KIRREL3: variants seen among roughly 807,000 people sequenced by gnomAD.
KIRREL3 encodes the protein kin of IRRE-like protein 3.
Under a neutral mutation model 89.7 loss-of-function variants are expected in KIRREL3, and 36 were observed. The ratio of observed to expected loss-of-function variants is 0.40; its 90% confidence interval spans 0.31 to 0.53. KIRREL3 has a LOEUF of 0.53. Among genes scored for constraint, KIRREL3 ranks in the 20% least tolerant of loss-of-function variants. KIRREL3 has a pLI of 0.49. For synonymous variants in KIRREL3, 445 were observed against 441.4 expected (o/e 1.01, Z -0.10); for missense variants, 864 against 1,056.6 (o/e 0.82, Z 2.53).
chr11:126,629,069 C>G (rs1487458045), intron 1 of KIRREL3, among the ~76,000 whole-genome samples: 1 of 152,244 alleles, frequency 6.6e-6, no homozygotes, highest in Non-Finnish European at 1.5e-5. Context: ...TCCCTTGTCT[C>G]TTCCAAACAC....
At position 126,999,445 on chromosome 11, in the gene KIRREL3, T is replaced by C. The variant is rs112403751; in HGVS notation, c.55+1010A>G. Among the ~76,000 whole-genome samples, 241 of 152,354 alleles carry C rather than the reference T, an allele frequency of 1.6e-3. 1 individual carries two copies. Among genetic ancestry groups the C allele is most frequent in the African/African-American group, 5.5e-3 (227 of 41,584 alleles). On this transcript the variant is annotated intron_variant, in intron 1 of 16. Coordinates refer to ENST00000525144, the MANE Select transcript of KIRREL3 (RefSeq NM_032531.4). The surrounding 1 kb of genome is among the most constrained non-coding windows in gnomAD (Gnocchi z 5.7). ...AGTGCTTTGCTTTCTCGAAAACTTT[T>C]ACCCTTCATTTAATCAACAGATGGA...
At chr11:126,500,689 G>A (rs1423748340) in intron 4 of KIRREL3, among the ~76,000 whole-genome samples, 1 of 148,160 alleles carries the variant, frequency 6.7e-6, no homozygotes, top group Non-Finnish European at 1.5e-5. Context: ...GCAGTGAGCT[G>A]AGATCGCACC....
At chr11:126,445,728 A>G (rs1234571929) in intron 9 of KIRREL3, among the ~76,000 whole-genome samples, 2 of 152,190 alleles carry the variant, frequency 1.3e-5, no homozygotes, top group Non-Finnish European at 2.9e-5. Flanking sequence ...TCTGCTACAT[A>G]ACAGGCCACA....
Position 126,703,271 on chromosome 11 carries a change from A to G in KIRREL3, c.56-140359T>C, listed in dbSNP as rs1407790926. On this transcript the variant is annotated intron_variant, in intron 1 of 16. Transcript: ENST00000525144. This position sits in a 1 kb window ranked among gnomAD's most constrained non-coding sequence, Gnocchi z 4.6. ...GCAGGCTGTGCACTGCACAAGGCCA[A>G]GGCTTACCATTTGCATGGTCTGCGG... Among the ~76,000 whole-genome samples the G allele has an allele frequency of 6.6e-6, 1 of 152,232 alleles. No homozygotes were observed. Among genetic ancestry groups the G allele is most frequent in the East Asian group, 1.9e-4 (1 of 5,192 alleles).
intron 1 of KIRREL3, among the ~76,000 whole-genome samples, chr11:126,585,304 G>A (rs1471268932): frequency 7.0e-6 from 1 of 142,164 alleles, no homozygotes; most frequent in African/African-American, 2.7e-5. Context: ...CGAGATCTCG[G>A]CTCACTGCAA....
chr11:126,732,594 T>A (rs1306932268), intron 1 of KIRREL3, among the ~76,000 whole-genome samples: 5 of 152,188 alleles, frequency 3.3e-5, no homozygotes, highest in Non-Finnish European at 7.3e-5. Flanking sequence ...AGAGAGACAG[T>A]GAGAGAGTGA....
chr11:126,439,320 ACT>A (rs1414094819), intron 11 of KIRREL3, among the ~76,000 whole-genome samples: 1 of 151,088 alleles, frequency 6.6e-6, no homozygotes, highest in Non-Finnish European at 1.5e-5. Context: ...ATAGAGAGAG[ACT>A]CTGTCTCAAA....
At chr11:126,592,501 AC>A (rs1942185525) in intron 1 of KIRREL3, among the ~76,000 whole-genome samples, 1 of 152,142 alleles carries the variant, frequency 6.6e-6, no homozygotes, top group Non-Finnish European at 1.5e-5. Flanking sequence ...TTTCTCCTAC[AC>A]CCTGTAGCTT....
intron 1 of KIRREL3, among the ~76,000 whole-genome samples, chr11:126,749,895 G>A (rs964687757): frequency 1.3e-5 from 2 of 152,144 alleles, no homozygotes; most frequent in African/African-American, 4.8e-5. Context: ...CATTTTCTAC[G>A]TGTGGAGACC....
At chr11:126,637,921 A>G (rs1245364160) in intron 1 of KIRREL3, among the ~76,000 whole-genome samples, 1 of 152,240 alleles carries the variant, frequency 6.6e-6, no homozygotes, top group Non-Finnish European at 1.5e-5. Flanking sequence ...AAAACATGCC[A>G]AGAGCACAGT....
chr11:126,810,020 C>T (rs1951327965), intron 1 of KIRREL3, among the ~76,000 whole-genome samples: 1 of 152,038 alleles, frequency 6.6e-6, no homozygotes, highest in South Asian at 2.1e-4. Context: ...AAATAGATGT[C>T]TCTCATTCTT....
At chr11:126,992,031 T>C (rs1383162653) in intron 1 of KIRREL3, among the ~76,000 whole-genome samples, 2 of 152,208 alleles carry the variant, frequency 1.3e-5, no homozygotes, top group Non-Finnish European at 2.9e-5. Flanking sequence ...CTGCAACTTA[T>C]GAAGCTTTAC....
At chr11:126,663,889 C>T (rs568883298) in intron 1 of KIRREL3, among the ~76,000 whole-genome samples, 3 of 152,360 alleles carry the variant, frequency 2.0e-5, no homozygotes, top group South Asian at 4.1e-4. Context: ...GCCACAGGGC[C>T]TGCTCTGACT....
intron 1 of KIRREL3, among the ~76,000 whole-genome samples, chr11:126,659,617 G>T (rs971265777): frequency 6.6e-6 from 1 of 152,186 alleles, no homozygotes; most frequent in Non-Finnish European, 1.5e-5. Context: ...AGGATTAAAG[G>T]TCATGAAAAG....
At chr11:126,559,263 G>A (rs565561070) in intron 2 of KIRREL3, among the ~76,000 whole-genome samples, 2 of 152,290 alleles carry the variant, frequency 1.3e-5, no homozygotes, top group East Asian at 1.9e-4. Flanking sequence ...TATCTGAGGC[G>A]CTCCTTTTCA....
chr11:126,838,153 T>C (rs1038104432), intron 1 of KIRREL3, among the ~76,000 whole-genome samples: 1 of 152,216 alleles, frequency 6.6e-6, no homozygotes, highest in African/African-American at 2.4e-5. Context: ...ATTGTTAATA[T>C]AATAGAGGTT....
chr11:126,939,030 C>T (rs1238621552), intron 1 of KIRREL3, among the ~76,000 whole-genome samples: 1 of 152,122 alleles, frequency 6.6e-6, no homozygotes, highest in Non-Finnish European at 1.5e-5. Context: ...CTAGCTGAGC[C>T]CCGCCCTGCC....
chr11:126,803,966 C>T (rs1193823034), intron 1 of KIRREL3, among the ~76,000 whole-genome samples: 1 of 152,142 alleles, frequency 6.6e-6, no homozygotes, highest in Non-Finnish European at 1.5e-5. Flanking sequence ...GAAGAGTTAT[C>T]CAAACCAAAG....
chr11:126,936,474 G>A lies in KIRREL3; in HGVS notation c.55+63981C>T, dbSNP rs185587398. 1.4e-4 allele frequency: 21 copies of A among 150,714 alleles called. No homozygotes were observed. In the East Asian group the frequency reaches 3.3e-3, roughly 24 times the overall value. 9.3% of individuals were successfully genotyped at this position (150,714 alleles called of 1,614,324 possible). ...CAGCATTATTCATAACAGCAACAAA[G>A]TGGAAAAAAATCTAAATGTCCATCG... is the stretch of plus-strand genomic sequence containing the variant. On this transcript the variant is annotated intron_variant, in intron 1 of 16. Transcript: ENST00000525144.
Sources: allele counts gnomAD v4.1 joint callset (sites outside exome capture counted in the v4.1 genomes callset), GRCh38; gene constraint gnomAD v4.1.1; non-coding constraint Gnocchi (gnomAD v3.1); transcripts MANE v1.5; gene names NCBI Gene and HGNC (gene_info 2026-07-23, HGNC 2026-07-21).